The following HEATR5B variants were observed in gnomAD, a reference collection of about 807,000 sequenced individuals.
The protein encoded by HEATR5B is HEAT repeat-containing protein 5B.
HEATR5B carries 156 observed loss-of-function variants against 224.1 expected under a neutral mutation model. The observed-to-expected ratio is 0.70, with a 90% CI of 0.61 to 0.80. HEATR5B has a LOEUF of 0.80. Ranked by LOEUF, HEATR5B falls within the 30% of genes least tolerant of loss-of-function variation. The pLI is 0.00. For missense variants in HEATR5B, 2,323 were observed against 2,535.5 expected (o/e 0.92, Z 1.80); for synonymous variants, 1,027 against 893.0 (o/e 1.15, Z -2.68).
chr2:37,016,463 T>C (rs1345076493), intron 26 of HEATR5B, among the ~76,000 whole-genome samples: 1 of 152,144 alleles, frequency 6.6e-6, no homozygotes, highest in Non-Finnish European at 1.5e-5. Flanking sequence ...TTTTTCAGAG[T>C]TCACAACTTT....
At chr2:37,072,067 A>G (rs771824657) in intron 6 of HEATR5B, 43 bp downstream of exon 6, 1 of 1,485,318 alleles carries the variant, frequency 6.7e-7, no homozygotes, top group Non-Finnish European at 9.2e-7. Flanking sequence ...TGCAATAACT[A>G]ATTAGGTCTG....
chr2:37,040,600 T>G, intron 19 of HEATR5B, 82 bp from the exon 20 acceptor site: 1 of 959,434 alleles, frequency 1.0e-6, no homozygotes. Context: ...GTTACATGGG[T>G]ATACTCTTAA....
chr2:36,993,469 G>A (rs942202576), intron 33 of HEATR5B, among the ~76,000 whole-genome samples: 2 of 151,734 alleles, frequency 1.3e-5, no homozygotes, highest in African/African-American at 4.8e-5. Context: ...CATAGGAGGT[G>A]GACGTGGAGG....
chr2:36,988,564 C>G, intron 35 of HEATR5B, 82 bp downstream of exon 35: 1 of 1,229,092 alleles, frequency 8.1e-7, no homozygotes, highest in South Asian at 1.4e-5. Flanking sequence ...GCCCAGCAGG[C>G]CTGTTTCTAA....
rs1553431138 is a variant in HEATR5B at position 37,037,145 on chromosome 2, G to GATATATATATATATATATATATATATAT, written c.3216+709_3216+710insATATATATATATATATATATATATATAT. Among the ~76,000 whole-genome samples, 275 of 89,072 alleles carry GATATATATATATATATATATATATATAT rather than the reference G, an allele frequency of 3.1e-3. 15 individuals carry two copies. The highest frequency in any genetic ancestry group is 9.7e-3 in the Middle Eastern group (2 of 206). The allele number at this position is 89,072 out of a possible 152,430, so 58.4% of individuals were successfully genotyped here. A position where few individuals can be genotyped will look rare whatever the true frequency, so the allele number is the denominator to read the frequency against. ...TTCCGAGTAGGAAAACTAAAAATGTGATATATATATATATTTTGGAGATGG... is the reference window on the plus strand; with the variant it reads ...TTCCGAGTAGGAAAACTAAAAATGTGATATATATATATATATATATATATATATATATATATATATATTTTGGAGATGG... On this transcript the variant is annotated intron_variant, in intron 21 of 35. Coordinates refer to ENST00000233099, the MANE Select transcript of HEATR5B (RefSeq NM_019024.3).
Position 37,028,842 on chromosome 2 carries a change from G to A in HEATR5B, c.3440C>T (p.Thr1147Ile), listed in dbSNP as rs775492133. 3.7e-6 allele frequency: 6 copies of A among 1,613,984 alleles called. No homozygotes were observed. In the East Asian group the frequency reaches 8.9e-5, roughly 24 times the overall value. The change falls in exon 23 of 36, where the codon ACT becomes ATT. Residue 1147 changes from threonine to isoleucine, a missense_variant. Coordinates refer to ENST00000233099, the MANE Select transcript of HEATR5B (RefSeq NM_019024.3). ...TCCAAAAAGAAGTCCCTCAAGACCA[G>A]TTTCTGTTATATTAACACCTTGGTG... ...CRHQGVNITE[T>I]GLEGLLFGML... is the part of the protein sequence containing the mutation.
intron 1 of HEATR5B, among the ~76,000 whole-genome samples, chr2:37,083,784 G>A (rs565320203): frequency 1.3e-5 from 2 of 152,270 alleles, no homozygotes; most frequent in Admixed American, 6.5e-5. Context: ...CACCCCAGCC[G>A]GGCTTGACAA....
rs1468303408 is a variant in HEATR5B, at chr2:37,070,157, C to T, written c.927+73G>A. The T allele has an allele frequency of 3.4e-6, 5 of 1,460,618 alleles. No homozygotes were observed. The African/African-American group carries it at 5.6e-5, about 16-fold the overall frequency. The allele number at this position is 1,460,618 out of a possible 1,614,324, so 90.5% of individuals were successfully genotyped here. On this transcript the variant is annotated intron_variant, in intron 7 of 35. Transcript: ENST00000233099. ...TCAGGCAATCTGCCCGCCTTGGCCTCCAAAAATGCTGGGATTACAGGCGTG... is the reference window on the plus strand; with the variant it reads ...TCAGGCAATCTGCCCGCCTTGGCCTTCAAAAATGCTGGGATTACAGGCGTG...
intron 32 of HEATR5B, 52 bp from the exon 33 acceptor site, chr2:37,000,865 T>C (rs374723577): frequency 6.5e-6 from 8 of 1,225,222 alleles, no homozygotes; most frequent in African/African-American, 6.0e-5. Context: ...TCCCATATTA[T>C]AGTTGTTTTC....
chr2:37,056,513 G>T lies in HEATR5B; in HGVS notation c.2326C>A (p.Leu776Ile). The T allele has an allele frequency of 6.2e-7, 1 of 1,613,500 alleles. No homozygotes were observed. Among genetic ancestry groups the T allele is most frequent in the Non-Finnish European group, 8.5e-7 (1 of 1,179,630 alleles). Residue 776 changes from leucine to isoleucine, a missense_variant, in exon 16 of 36, where the codon CTC becomes ATC. Physicochemically the swap from Leu to Ile is conservative, Grantham distance 5 (BLOSUM62 2). Around this residue, in one of 12 missense-constraint regions of HEATR5B, gnomAD observed 170 missense variants for 216.7 expected, o/e 0.78. Transcript: ENST00000233099. ...GAAGCATCAATGACTGAGACTCCGAGAGGGAGGGGACCAGGTACTGCTTCT... is the reference window on the plus strand; with the variant it reads ...GAAGCATCAATGACTGAGACTCCGATAGGGAGGGGACCAGGTACTGCTTCT... ...AGEAVPGPLP[L>I]GVSVIDASVA...
At chr2:37,059,464 ATTTTTTTTT>A (rs35615621) in intron 12 of HEATR5B, among the ~76,000 whole-genome samples, 1 of 65,818 alleles carries the variant, frequency 1.5e-5, no homozygotes, top group Non-Finnish European at 2.9e-5. Flanking sequence ...ATATATATAT[ATTTTTTTTT>A]TTTTTTTTTT....
chr2:37,060,891 TTA>T (rs1397522507), intron 11 of HEATR5B, among the ~76,000 whole-genome samples, 158 bp from the exon 12 acceptor site: 2 of 152,324 alleles, frequency 1.3e-5, no homozygotes, highest in Admixed American at 1.3e-4. Flanking sequence ...CACTCTATTT[TTA>T]TCTCTAAAAT....
chr2:36,999,141 C>T (rs550099990), intron 33 of HEATR5B, among the ~76,000 whole-genome samples: 1 of 151,844 alleles, frequency 6.6e-6, no homozygotes, highest in South Asian at 2.1e-4. Context: ...TGAACTGGGA[C>T]CTGGGAGGCG....
intron 33 of HEATR5B, among the ~76,000 whole-genome samples, chr2:36,996,933 G>T (rs1393990330): frequency 6.6e-6 from 1 of 151,818 alleles, no homozygotes; most frequent in Non-Finnish European, 1.5e-5. Context: ...TCACCACTGA[G>T]GCTGGTCTCG....
chr2:37,006,996 G>C (rs1667463924), intron 29 of HEATR5B, 54 bp downstream of exon 29: 1 of 1,548,032 alleles, frequency 6.5e-7, no homozygotes, highest in South Asian at 1.1e-5. Flanking sequence ...TAAAATGAAA[G>C]ATATGAATTT....
intron 5 of HEATR5B, among the ~76,000 whole-genome samples, chr2:37,073,601 T>C (rs1242157730): frequency 6.6e-6 from 1 of 152,210 alleles, no homozygotes; most frequent in Non-Finnish European, 1.5e-5. Flanking sequence ...GTCTTATTTG[T>C]ATTCTGTCAA....
At chr2:37,010,783 A>G (rs1015517054) in intron 27 of HEATR5B, among the ~76,000 whole-genome samples, 5 of 152,026 alleles carry the variant, frequency 3.3e-5, no homozygotes, top group Admixed American at 3.3e-4. Context: ...CCAAGTGCCC[A>G]GCCACTAACA....
chr2:37,062,150 G>A, intron 10 of HEATR5B, 100 bp from the exon 11 acceptor site: 2 of 710,854 alleles, frequency 2.8e-6, no homozygotes, highest in Admixed American at 2.2e-5. Flanking sequence ...TTGTTGGCTG[G>A]ATGCGGTGGC....
intron 18 of HEATR5B, among the ~76,000 whole-genome samples, chr2:37,047,304 A>T (rs189099349): frequency 5.4e-4 from 82 of 152,318 alleles, no homozygotes; most frequent in African/African-American, 1.9e-3. Flanking sequence ...CCATTTCTCT[A>T]AGTGAAATTA....
Sources: allele counts gnomAD v4.1 joint callset (sites outside exome capture counted in the v4.1 genomes callset), GRCh38; gene constraint gnomAD v4.1.1; regional missense constraint gnomAD v4.1.1; transcripts MANE v1.5; gene names NCBI Gene and HGNC (gene_info 2026-07-23, HGNC 2026-07-21).